Variants in ETV1 observed in about 807,000 individuals in gnomAD.
ETV1 encodes ETS translocation variant 1.
A neutral mutation model predicts 62.3 loss-of-function variants in ETV1; 27 were observed. The observed-to-expected ratio is 0.43, with a 90% CI of 0.32 to 0.60. The LOEUF (loss-of-function observed/expected upper bound fraction) is 0.60. Among genes scored for constraint, ETV1 ranks in the 20% least tolerant of loss-of-function variants. ETV1 has a pLI of 0.06. For missense variants in ETV1, 605 were observed against 605.8 expected (o/e 1.00, Z 0.01); for synonymous variants, 222 against 199.6 (o/e 1.11, Z -0.94).
intron 7 of ETV1, 113 bp downstream of exon 7, chr7:13,939,004 T>G (rs1420848239): frequency 2.0e-6 from 2 of 995,770 alleles, no homozygotes; most frequent in Non-Finnish European, 3.0e-6. Context: ...CTAATTAGCT[T>G]GTTACATATT....
intron 12 of ETV1, among the ~76,000 whole-genome samples, chr7:13,904,390 T>C (rs1782744871): frequency 6.6e-6 from 1 of 152,200 alleles, no homozygotes; most frequent in Non-Finnish European, 1.5e-5. Flanking sequence ...ACAGATGTAA[T>C]TCTACTTCTT....
intron 8 of ETV1, among the ~76,000 whole-genome samples, chr7:13,933,589 G>C (rs1225040814): frequency 6.6e-6 from 1 of 152,220 alleles, no homozygotes; most frequent in Non-Finnish European, 1.5e-5. Context: ...CATTCCCAGA[G>C]TGAAGTGGGG....
chr7:13,942,820 C>T (rs1026238072), intron 6 of ETV1, among the ~76,000 whole-genome samples: 2 of 151,968 alleles, frequency 1.3e-5, no homozygotes, highest in Non-Finnish European at 2.9e-5. Flanking sequence ...AATATGCATG[C>T]AGTATGATGT....
At chr7:13,947,952 T>C (rs1788366299) in intron 6 of ETV1, among the ~76,000 whole-genome samples, 1 of 152,212 alleles carries the variant, frequency 6.6e-6, no homozygotes, top group Non-Finnish European at 1.5e-5. Context: ...ATTCTTTAAG[T>C]TTGACTAATT....
At position 13,908,618 on chromosome 7, in the gene ETV1, A is replaced by C. The variant is rs59964264; in HGVS notation, c.940+1014T>G. ...TTTTTTGACCTTGAATGAATTTAGA[A>C]ATCTAAAGGAGGATAAAGAAGCAGA... On this transcript the variant is annotated intron_variant, in intron 11 of 13. Transcript: ENST00000430479. Among the ~76,000 whole-genome samples, 406 of 152,206 alleles carry C rather than the reference A, an allele frequency of 2.7e-3. 5 individuals are homozygous for C. Among genetic ancestry groups the C allele is most frequent in the African/African-American group, 9.1e-3 (378 of 41,538 alleles).
intron 11 of ETV1, among the ~76,000 whole-genome samples, chr7:13,908,616 GA>G (rs1056666334): frequency 6.6e-6 from 1 of 151,806 alleles, no homozygotes; most frequent in Non-Finnish European, 1.5e-5. Context: ...AATGAATTTA[GA>G]AATCTAAAGG....
At chr7:13,940,364 A>C in intron 6 of ETV1, among the ~76,000 whole-genome samples, 1 of 74,600 alleles carries the variant, frequency 1.3e-5, no homozygotes, top group East Asian at 5.3e-4. Flanking sequence ...TCCACCTCAA[A>C]AAAAAAAGAA....
intron 7 of ETV1, among the ~76,000 whole-genome samples, chr7:13,936,123 T>C (rs1185467646): frequency 6.6e-6 from 1 of 152,124 alleles, no homozygotes. Flanking sequence ...AGAACAAATA[T>C]TAAATGTGTA....
chr7:13,914,050 A>AT (rs1385830566), intron 9 of ETV1, among the ~76,000 whole-genome samples: 31 of 151,650 alleles, frequency 2.0e-4, no homozygotes, highest in African/African-American at 6.8e-4. Context: ...TGCCTGGCTA[A>AT]TTTTTTGTAT....
intron 9 of ETV1, among the ~76,000 whole-genome samples, chr7:13,930,254 A>T (rs1359988539): frequency 6.6e-6 from 1 of 152,236 alleles, no homozygotes; most frequent in East Asian, 1.9e-4. Flanking sequence ...GGAAAAACTC[A>T]GCAGGGTTAA....
chr7:13,910,048 A>G (rs1430706186), intron 10 of ETV1, among the ~76,000 whole-genome samples: 1 of 152,078 alleles, frequency 6.6e-6, no homozygotes, highest in East Asian at 1.9e-4. Context: ...AGATTCATCT[A>G]AATTTTATTG....
chr7:13,911,315 A>T lies in ETV1; in HGVS notation c.803-8T>A, dbSNP rs1019168835. On this transcript the variant is annotated splice_polypyrimidine_tract_variant and splice_region_variant and intron_variant, in intron 9 of 13. Transcript: ENST00000430479. The stretch of plus-strand genomic sequence containing the variant: ...AGTGGCAGCTAGGCACTTCTGAAAG[A>T]GGAAACAATATTGGTCAAAAAGAGT... 1.6e-5 allele frequency: 25 copies of T among 1,605,722 alleles called. No individual in the cohort carries two copies. The highest frequency in any genetic ancestry group is 2.1e-5 in the Non-Finnish European group (25 of 1,173,422).
chr7:13,910,673 C>T (rs79660447), intron 10 of ETV1, among the ~76,000 whole-genome samples: 6,343 of 152,202 alleles, frequency 0.042, 162 homozygotes, highest in South Asian at 0.11. Flanking sequence ...TATATCCAGA[C>T]GAAATCATTT....
intron 6 of ETV1, among the ~76,000 whole-genome samples, chr7:13,944,481 C>A (rs1209170307): frequency 6.6e-6 from 1 of 152,098 alleles, no homozygotes; most frequent in Non-Finnish European, 1.5e-5. Context: ...ATAACCTAAT[C>A]ACTTCCCAAA....
At chr7:13,910,598 T>A in intron 10 of ETV1, 1 of 217,982 alleles carries the variant, frequency 4.6e-6, no homozygotes, top group Non-Finnish European at 7.8e-6. Context: ...TCAATCCTAT[T>A]AAAGAGATGT....
At chr7:13,936,986 G>T (rs997825490) in intron 7 of ETV1, among the ~76,000 whole-genome samples, 2 of 152,092 alleles carry the variant, frequency 1.3e-5, no homozygotes, top group Non-Finnish European at 2.9e-5. Flanking sequence ...AGGTTGCAGT[G>T]AGCCCAGATT....
In ETV1 at chr7:13,938,242, G is replaced by A. The variant is rs919075301; in HGVS notation, c.365+875C>T. On this transcript the variant is annotated intron_variant, in intron 7 of 13. Transcript: ENST00000430479. Reference sequence around the variant, plus strand: ...TTATAGGCATGAGCCACTGCGTCTGGCCTATGTTTCTAGAATCTTACATAT... The same window carrying A: ...TTATAGGCATGAGCCACTGCGTCTGACCTATGTTTCTAGAATCTTACATAT... Among the ~76,000 whole-genome samples, 3 of 152,186 alleles carry A rather than the reference G, an allele frequency of 2.0e-5. No individual in the cohort carries two copies. The East Asian group carries it at 5.8e-4, about 29-fold the overall frequency.
chr7:13,924,724 G>A (rs117784641), intron 9 of ETV1, among the ~76,000 whole-genome samples: 3,780 of 152,272 alleles, frequency 0.025, 70 homozygotes, highest in Middle Eastern at 0.061. Flanking sequence ...CCTAATTTTA[G>A]TTTTGGCTGC....
intron 9 of ETV1, 118 bp downstream of exon 9, chr7:13,931,384 C>T: frequency 9.0e-7 from 1 of 1,110,022 alleles, no homozygotes; most frequent in Non-Finnish European, 1.3e-6. Flanking sequence ...CGGACAAAAT[C>T]TGAAAGATCT....
Sources: allele counts gnomAD v4.1 joint callset (sites outside exome capture counted in the v4.1 genomes callset), GRCh38; gene constraint gnomAD v4.1.1; transcripts MANE v1.5; gene names NCBI Gene and HGNC (gene_info 2026-07-23, HGNC 2026-07-21).